The following DCTN5 variants were observed in gnomAD, a reference collection of about 807,000 sequenced individuals.
DCTN5 encodes dynactin 4.
DCTN5 carries 14 observed loss-of-function variants against 23.5 expected under a neutral mutation model. The observed-to-expected ratio is 0.60, with a 90% CI of 0.39 to 0.93. The LOEUF is 0.93. Ranked by LOEUF, DCTN5 falls within the 40% of genes least tolerant of loss-of-function variation. The probability of loss-of-function intolerance (pLI) is 0.00; values close to 1 mark genes in which losing one functional copy is unlikely to be tolerated. For missense variants in DCTN5, 156 were observed against 225.9 expected, an observed-to-expected ratio of 0.69 and a Z score of 1.98; for synonymous variants, 67 against 79.6, an observed-to-expected ratio of 0.84 and a Z score of 0.84.
rs1425326212 is a variant in DCTN5, at chr16:23,673,138, A to C, written c.*5994A>C. The C allele has an allele frequency of 6.6e-6, 1 of 152,000 alleles. No individual in the cohort carries two copies. Among genetic ancestry groups the C allele is most frequent in the African/African-American group, 2.4e-5 (1 of 41,402 alleles). The allele number at this position is 152,000 out of a possible 1,614,324, so 9.4% of individuals were successfully genotyped here. A position where few individuals can be genotyped will look rare whatever the true frequency, so the allele number is the denominator to read the frequency against. ...GCGAGACTCCGTCTCAAAAAAAAAA[A>C]AAAAAACCACAACAACAACAACAAA... is the stretch of plus-strand genomic sequence containing the variant. On this transcript the variant is annotated 3_prime_UTR_variant, in exon 6 of 6. Transcript: ENST00000300087.
intron 4 of DCTN5, 71 bp from the exon 5 acceptor site, chr16:23,665,555 T>C (rs1967890273): frequency 2.1e-6 from 3 of 1,415,412 alleles, no homozygotes; most frequent in Admixed American, 2.1e-5. Context: ...GTATCATGAA[T>C]GGGGAAAATA....
At chr16:23,649,647 A>G (rs1265275029) in intron 2 of DCTN5, among the ~76,000 whole-genome samples, 1 of 152,110 alleles carries the variant, frequency 6.6e-6, no homozygotes, top group East Asian at 1.9e-4. Flanking sequence ...GTTCAAGACC[A>G]GCCTGGCCAA....
intron 2 of DCTN5, among the ~76,000 whole-genome samples, chr16:23,653,058 C>A (rs1413820280): frequency 6.6e-6 from 1 of 152,142 alleles, no homozygotes; most frequent in Non-Finnish European, 1.5e-5. Flanking sequence ...GGGAGGATCA[C>A]TTGAGCCTGG....
At chr16:23,650,638 A>G (rs1164055872) in intron 2 of DCTN5, 3 of 1,009,530 alleles carry the variant, frequency 3.0e-6, no homozygotes, top group Middle Eastern at 3.1e-4. Flanking sequence ...CCGTCTGTGC[A>G]TTTTCACTGC....
intron 3 of DCTN5, 103 bp downstream of exon 3, chr16:23,658,728 T>C: frequency 1.2e-6 from 1 of 837,214 alleles, no homozygotes; most frequent in Non-Finnish European, 2.0e-6. Context: ...CTGTCCTGTT[T>C]GAAGCACTGA....
rs7588 is a variant in DCTN5 at position 23,669,844 on chromosome 16, G to A, written c.*2700G>A. The A allele has an allele frequency of 0.2, 29,790 of 152,136 alleles. 3,210 individuals carry two copies. The highest frequency in any genetic ancestry group is 0.43 in the East Asian group (2,227 of 5,166). 9.4% of individuals were successfully genotyped at this position (152,136 alleles called of 1,614,324 possible). A position where few individuals can be genotyped will look rare whatever the true frequency, so the allele number is the denominator to read the frequency against. On this transcript the variant is annotated 3_prime_UTR_variant, in exon 6 of 6. Transcript: ENST00000300087. ...CTAGCCAAAGTGGGTGTTCAATAAA[G>A]AACCATTTGGAGATGGTCTTCTGTC...
At chr16:23,658,394 T>C in intron 2 of DCTN5, 113 bp from the exon 3 acceptor site, 2 of 752,296 alleles carry the variant, frequency 2.7e-6, no homozygotes, top group South Asian at 3.3e-5. Context: ...ATTTGAAACA[T>C]TCTGTCAGAG....
At chr16:23,647,096 C>T (rs1361703953) in intron 2 of DCTN5, among the ~76,000 whole-genome samples, 2 of 150,838 alleles carry the variant, frequency 1.3e-5, no homozygotes, top group African/African-American at 4.9e-5. Context: ...TGGAACACTG[C>T]ACTGTTTTGA....
rs528432722 is a variant in DCTN5 at position 23,658,875 on chromosome 16, T to C, written c.236+250T>C. On this transcript the variant is annotated intron_variant, in intron 3 of 5. Transcript: ENST00000300087. ...TGATCAAACAGACTGGCGTATATAA[T>C]GGAACCTAAGAGGAGGAAAAGGAGC... Among the ~76,000 whole-genome samples the C allele has an allele frequency of 7.9e-5, 12 of 152,306 alleles. No homozygotes were observed. The South Asian group carries it at 8.3e-4, about 11-fold the overall frequency.
In DCTN5 at chr16:23,672,473, AT is replaced by A. The variant is rs1489463901; in HGVS notation, c.*5331del. 1 of 152,206 alleles carries A rather than the reference AT, an allele frequency of 6.6e-6. No homozygotes were observed. The highest frequency in any genetic ancestry group is 1.5e-5 in the Non-Finnish European group (1 of 68,044). 9.4% of individuals were successfully genotyped at this position (152,206 alleles called of 1,614,324 possible). On this transcript the variant is annotated 3_prime_UTR_variant, in exon 6 of 6. Transcript: ENST00000300087. ...CATTTGAACCCGGAGTTTTTAGTCTATTGAGTTTAACCGACAGATCATACTG... is the reference window on the plus strand; with the variant it reads ...CATTTGAACCCGGAGTTTTTAGTCTATGAGTTTAACCGACAGATCATACTG...
chr16:23,642,929 C>G, intron 1 of DCTN5, 26 bp from the exon 2 acceptor site: 1 of 1,610,066 alleles, frequency 6.2e-7, no homozygotes, highest in Non-Finnish European at 8.5e-7. Context: ...GTTTGCTTTC[C>G]CCGGTTTTCC....
chr16:23,660,086 C>T (rs1967783430), intron 3 of DCTN5, among the ~76,000 whole-genome samples: 1 of 152,130 alleles, frequency 6.6e-6, no homozygotes, highest in South Asian at 2.1e-4. Flanking sequence ...ATAATACTAT[C>T]GAACTTGGAA....
chr16:23,650,516 G>T (rs548504347), intron 2 of DCTN5, among the ~76,000 whole-genome samples: 2 of 143,896 alleles, frequency 1.4e-5, no homozygotes, highest in African/African-American at 5.2e-5. Context: ...AGTAGAGACC[G>T]GGTTTCACCA....
intron 2 of DCTN5, among the ~76,000 whole-genome samples, chr16:23,648,344 C>CTTTTTTCTT (rs1446479407): frequency 1.3e-4 from 14 of 105,526 alleles, no homozygotes; most frequent in African/African-American, 4.3e-4. Context: ...TTTCTTTTTT[C>CTTTTTTCTT]TTTTTTTTTT....
rs1485662313 is a variant in DCTN5, at chr16:23,677,249, C to T, written c.*10105C>T. ...TGAGTCTGTGAATCTCCTAGTACAT[C>T]ATCAGACTAGGAGGTGGTGGTGTTG... On this transcript the variant is annotated 3_prime_UTR_variant, in exon 6 of 6. Transcript: ENST00000300087. 1 of 152,158 alleles carries T rather than the reference C, an allele frequency of 6.6e-6. No homozygotes were observed. The highest frequency in any genetic ancestry group is 1.5e-5 in the Non-Finnish European group (1 of 68,038). The allele number at this position is 152,158 out of a possible 1,614,324, so 9.4% of individuals were successfully genotyped here.
chr16:23,652,380 T>C (rs1967621846), intron 2 of DCTN5, among the ~76,000 whole-genome samples: 1 of 152,228 alleles, frequency 6.6e-6, no homozygotes, highest in Non-Finnish European at 1.5e-5. Context: ...CATAATTGCT[T>C]ACCCTATTGT....
Position 23,675,598 on chromosome 16 carries a change from G to A in DCTN5, c.*8454G>A, listed in dbSNP as rs555723374. 6.6e-6 allele frequency: 1 copy of A among 152,202 alleles called. No individual in the cohort carries two copies. Among genetic ancestry groups the A allele is most frequent in the South Asian group, 2.1e-4 (1 of 4,824 alleles). The allele number at this position is 152,202 out of a possible 1,614,324, so 9.4% of individuals were successfully genotyped here. A position where few individuals can be genotyped will look rare whatever the true frequency, so the allele number is the denominator to read the frequency against. Reference sequence around the variant, plus strand: ...GCCTAGCTGAGAGTAAGAGATGGTTGAAAAAATGCAATGTTATGATTGCTG... The same window carrying A: ...GCCTAGCTGAGAGTAAGAGATGGTTAAAAAAATGCAATGTTATGATTGCTG... On this transcript the variant is annotated 3_prime_UTR_variant, in exon 6 of 6. Coordinates refer to ENST00000300087, the MANE Select transcript of DCTN5 (RefSeq NM_032486.4).
chr16:23,650,537 G>A (rs1967580539), intron 2 of DCTN5, among the ~76,000 whole-genome samples: 1 of 150,236 alleles, frequency 6.7e-6, no homozygotes, highest in African/African-American at 2.5e-5. Flanking sequence ...TGTTGGCCAG[G>A]ATGGTCTTGA....
intron 2 of DCTN5, among the ~76,000 whole-genome samples, chr16:23,645,135 A>ATT (rs1967424901): frequency 7.3e-4 from 18 of 24,796 alleles, no homozygotes; most frequent in Admixed American, 1.1e-3. Context: ...ATATATATAT[A>ATT]TATTTTTTTT....
Sources: allele counts gnomAD v4.1 joint callset (sites outside exome capture counted in the v4.1 genomes callset), GRCh38; gene constraint gnomAD v4.1.1; transcripts MANE v1.5; gene names NCBI Gene and HGNC (gene_info 2026-07-23, HGNC 2026-07-21).